Variants in KCNQ1OT1 observed in about 807,000 individuals in gnomAD.
KCNQ1OT1 encodes KCNQ1 opposite strand/antisense transcript 1.
At position 2,652,116 on chromosome 11, in the gene KCNQ1OT1, T is replaced by A. The variant is rs564129805; in HGVS notation, n.47879A>T. ...CCCCAGTTCTGGCCTGGCTGGGAGG[T>A]GGCCTGGGAAGGGACCTGTGTTTCT... On this transcript the variant is annotated non_coding_transcript_exon_variant, in exon 1 of 1. Coordinates refer to ENST00000597346, the Ensembl canonical transcript of KCNQ1OT1. The surrounding 1 kb of genome is among the most constrained non-coding windows in gnomAD (Gnocchi z 5.9). 28 of 398,572 alleles carry A rather than the reference T, an allele frequency of 7.0e-5. No homozygotes were observed. In the Admixed American group the frequency reaches 1.2e-3, roughly 17 times the overall value. 24.7% of individuals were successfully genotyped at this position (398,572 alleles called of 1,614,324 possible).
At chr11:2,666,700 A>T (rs1413066952) in exon 1 of KCNQ1OT1, 1 of 398,610 alleles carries the variant, frequency 2.5e-6, no homozygotes, top group African/African-American at 2.1e-5. Context: ...TTTTGGAGAC[A>T]TCCAGGTCCA....
exon 1 of KCNQ1OT1, chr11:2,675,913 A>G (rs1033793819): frequency 1.5e-5 from 6 of 398,562 alleles, no homozygotes; most frequent in Non-Finnish European, 2.7e-5. Context: ...TGCTACAAAA[A>G]TCATACAACA....
exon 1 of KCNQ1OT1, chr11:2,680,237 C>T (rs1850370882): frequency 2.6e-6 from 1 of 390,804 alleles, no homozygotes; most frequent in African/African-American, 2.1e-5. Flanking sequence ...AGTTGTCTAT[C>T]TGTGTGTATA....
Position 2,652,775 on chromosome 11 carries a change from G to A in KCNQ1OT1, n.47220C>T, listed in dbSNP as rs1274496231. ...TCTGTCACTGCCTGTCTTCCTCAGC[G>A]CCCCCGCTACTCAGACCCCACCCTT... On this transcript the variant is annotated non_coding_transcript_exon_variant, in exon 1 of 1. Transcript: ENST00000597346. This position sits in a 1 kb window ranked among gnomAD's most constrained non-coding sequence, Gnocchi z 5.9. The A allele has an allele frequency of 1.3e-5, 5 of 398,974 alleles. No homozygotes were observed. Among genetic ancestry groups the A allele is most frequent in the South Asian group, 2.5e-4 (2 of 7,860 alleles). 24.7% of individuals were successfully genotyped at this position (398,974 alleles called of 1,614,324 possible). A position where few individuals can be genotyped will look rare whatever the true frequency, so the allele number is the denominator to read the frequency against.
In KCNQ1OT1 at chr11:2,679,159, G is replaced by A. The variant is rs939784424; in HGVS notation, n.20836C>T. The A allele has an allele frequency of 3.8e-5, 15 of 398,462 alleles. No homozygotes were observed. Among genetic ancestry groups the A allele is most frequent in the Admixed American group, 1.3e-4 (3 of 22,712 alleles). 24.7% of individuals were successfully genotyped at this position (398,462 alleles called of 1,614,324 possible). On this transcript the variant is annotated non_coding_transcript_exon_variant, in exon 1 of 1. Coordinates refer to ENST00000597346, the Ensembl canonical transcript of KCNQ1OT1. This position sits in a 1 kb window ranked among gnomAD's most constrained non-coding sequence, Gnocchi z 4.8. ...TTCATGGCATGAGTTGGGCAGCAGC[G>A]ACTCAGTTTCCATGTCTGAGTTAGG... is the stretch of plus-strand genomic sequence containing the variant.
exon 1 of KCNQ1OT1, chr11:2,628,243 A>G (rs1589990620): frequency 2.5e-6 from 1 of 398,612 alleles, no homozygotes; most frequent in East Asian, 3.6e-5. Context: ...ATCAATTTAC[A>G]TTCCTAACAA....
At chr11:2,675,757 T>A (rs936766937) in exon 1 of KCNQ1OT1, 2 of 398,568 alleles carry the variant, frequency 5.0e-6, no homozygotes, top group Admixed American at 4.4e-5. Context: ...AACCAGAGAC[T>A]CACAGCACTG....
exon 1 of KCNQ1OT1, chr11:2,629,313 TTAAATGTATGCC>T (rs1849313501): frequency 2.5e-6 from 1 of 398,318 alleles, no homozygotes; most frequent in Admixed American, 4.4e-5. Flanking sequence ...ATCTCCTTGG[TTAAATGTATGCC>T]TAAATGTTAT....
chr11:2,679,703 G>A lies in KCNQ1OT1; in HGVS notation n.20292C>T, dbSNP rs1299874552. On this transcript the variant is annotated non_coding_transcript_exon_variant, in exon 1 of 1. Transcript: ENST00000597346. This position sits in a 1 kb window ranked among gnomAD's most constrained non-coding sequence, Gnocchi z 4.8. ...CCCAGATTAGATTTTTTTTAAATCA[G>A]CCGTTCTCTGTATTCTTGTCCAGAT... 5 of 398,370 alleles carry A rather than the reference G, an allele frequency of 1.3e-5. No individual in the cohort carries two copies. The highest frequency in any genetic ancestry group is 1.0e-4 in the African/African-American group (5 of 48,572). 24.7% of individuals were successfully genotyped at this position (398,370 alleles called of 1,614,324 possible).
chr11:2,672,422 A>C (rs1850202786), exon 1 of KCNQ1OT1: 2 of 398,520 alleles, frequency 5.0e-6, no homozygotes, highest in African/African-American at 2.1e-5. Context: ...AGTACAGAAC[A>C]GTCCACCCCA....
Position 2,637,036 on chromosome 11 carries a change from C to T in KCNQ1OT1, n.62959G>A, listed in dbSNP as rs1849481770. The T allele has an allele frequency of 2.6e-5, 4 of 152,222 alleles. 1 individual carries two copies. The East Asian group carries it at 7.7e-4, about 29-fold the overall frequency. 9.4% of individuals were successfully genotyped at this position (152,222 alleles called of 1,614,324 possible). ...TCTGTGGGATCGGTGGTGATATCCCCTTTATCATTTTTTATTGCATCTATT... is the reference window on the plus strand; with the variant it reads ...TCTGTGGGATCGGTGGTGATATCCCTTTTATCATTTTTTATTGCATCTATT... On this transcript the variant is annotated non_coding_transcript_exon_variant, in exon 1 of 1. Coordinates refer to ENST00000597346, the Ensembl canonical transcript of KCNQ1OT1.
exon 1 of KCNQ1OT1, chr11:2,667,330 T>C (rs1196797154): frequency 1.0e-5 from 4 of 398,490 alleles, no homozygotes; most frequent in Non-Finnish European, 1.8e-5. Flanking sequence ...AAGAAAGCAG[T>C]GAGGCTTCTC....
Position 2,658,690 on chromosome 11 carries a change from AT to A in KCNQ1OT1, n.41304del. 2.5e-6 allele frequency: 1 copy of A among 398,564 alleles called. No homozygotes were observed. 24.7% of individuals were successfully genotyped at this position (398,564 alleles called of 1,614,324 possible). On this transcript the variant is annotated non_coding_transcript_exon_variant, in exon 1 of 1. Transcript: ENST00000597346. This position sits in a 1 kb window ranked among gnomAD's most constrained non-coding sequence, Gnocchi z 4.9. ...CTCTCAGTGGACAGAGCTAGGAAATATATGTATGTATGTAACCTGAGTACAC... is the reference window on the plus strand; with the variant it reads ...CTCTCAGTGGACAGAGCTAGGAAATAATGTATGTATGTAACCTGAGTACAC...
rs575207808 is a variant in KCNQ1OT1, at chr11:2,619,752, T to C, written n.80243A>G. On this transcript the variant is annotated non_coding_transcript_exon_variant, in exon 1 of 1. Coordinates refer to ENST00000597346, the Ensembl canonical transcript of KCNQ1OT1. Reference sequence around the variant, plus strand: ...GAAGTATTCCCTATAGCTGCATTTTTTTGGAAGAGTTTAAGAAGTATTGGT... The same window carrying C: ...GAAGTATTCCCTATAGCTGCATTTTCTTGGAAGAGTTTAAGAAGTATTGGT... The C allele has an allele frequency of 5.3e-4, 211 of 398,464 alleles. No homozygotes were observed. The highest frequency in any genetic ancestry group is 4.0e-3 in the African/African-American group (194 of 48,690). 24.7% of individuals were successfully genotyped at this position (398,464 alleles called of 1,614,324 possible). A position where few individuals can be genotyped will look rare whatever the true frequency, so the allele number is the denominator to read the frequency against.
chr11:2,693,129 A>G, exon 1 of KCNQ1OT1: 1 of 398,582 alleles, frequency 2.5e-6, no homozygotes, highest in Admixed American at 4.4e-5. Context: ...ACTTTCTGTC[A>G]ATCACCAGAT....
rs1277725930 is a variant in KCNQ1OT1 at position 2,658,889 on chromosome 11, A to C, written n.41106T>G. 1 of 398,310 alleles carries C rather than the reference A, an allele frequency of 2.5e-6. No homozygotes were observed. Among genetic ancestry groups the C allele is most frequent in the Non-Finnish European group, 4.4e-6 (1 of 226,030 alleles). The allele number at this position is 398,310 out of a possible 1,614,324, so 24.7% of individuals were successfully genotyped here. ...TTCATTTACTTATTTGTGTAACCCTATTGTACACGTAGTACCCTATGTGAA... is the reference window on the plus strand; with the variant it reads ...TTCATTTACTTATTTGTGTAACCCTCTTGTACACGTAGTACCCTATGTGAA... On this transcript the variant is annotated non_coding_transcript_exon_variant, in exon 1 of 1. Transcript: ENST00000597346. This position sits in a 1 kb window ranked among gnomAD's most constrained non-coding sequence, Gnocchi z 4.9.
chr11:2,697,398 G>C (rs1237397304), exon 1 of KCNQ1OT1: 1 of 398,344 alleles, frequency 2.5e-6, no homozygotes, highest in African/African-American at 2.1e-5. Flanking sequence ...TCTTGTATTA[G>C]GGTATGGCCA....
exon 1 of KCNQ1OT1, chr11:2,641,404 T>A (rs199515432): frequency 3.7e-4 from 146 of 398,376 alleles, no homozygotes; most frequent in East Asian, 1.4e-3. Context: ...CTTTTTTTTT[T>A]AAATATACCT....
rs1016230988 is a variant in KCNQ1OT1, at chr11:2,659,198, C to T, written n.40797G>A. The T allele has an allele frequency of 1.5e-5, 6 of 398,590 alleles. No homozygotes were observed. The highest frequency in any genetic ancestry group is 7.1e-5 in the East Asian group (2 of 28,072). 24.7% of individuals were successfully genotyped at this position (398,590 alleles called of 1,614,324 possible). A position where few individuals can be genotyped will look rare whatever the true frequency, so the allele number is the denominator to read the frequency against. On this transcript the variant is annotated non_coding_transcript_exon_variant, in exon 1 of 1. Coordinates refer to ENST00000597346, the Ensembl canonical transcript of KCNQ1OT1. This position sits in a 1 kb window ranked among gnomAD's most constrained non-coding sequence, Gnocchi z 4.3. ...ATGTCTGGAGTCATGTGTCCACAAT[C>T]CAGTATCATTCACAGAAGTTCCATA...
Sources: allele counts gnomAD v4.1 joint callset, GRCh38; gene constraint gnomAD v4.1.1; non-coding constraint Gnocchi (gnomAD v3.1); transcripts MANE v1.5; gene names NCBI Gene and HGNC (gene_info 2026-07-23, HGNC 2026-07-21).